HIBADH: variants seen among roughly 807,000 people sequenced by gnomAD.
HIBADH encodes the protein 3-hydroxyisobutyrate dehydrogenase, mitochondrial.
A neutral mutation model predicts 36.1 loss-of-function variants in HIBADH; 25 were observed. The ratio of observed to expected loss-of-function variants is 0.69; its 90% CI spans 0.50 to 0.97. The LOEUF is 0.97. Among genes scored for constraint, HIBADH ranks in the 50% least tolerant of loss-of-function variants. The pLI is 0.00. For missense variants in HIBADH, 421 were observed against 418.0 expected, an observed-to-expected ratio of 1.01 and a Z score of -0.06; for synonymous variants, 160 against 149.5, an observed-to-expected ratio of 1.07 and a Z score of -0.51.
intron 4 of HIBADH, among the ~76,000 whole-genome samples, chr7:27,586,690 G>A (rs567245134): frequency 8.2e-5 from 12 of 146,976 alleles, no homozygotes; most frequent in Admixed American, 6.9e-4. Flanking sequence ...AAGAAAAGAG[G>A]ACAGCACTCT....
intron 7 of HIBADH, among the ~76,000 whole-genome samples, chr7:27,527,618 G>C (rs930337034): frequency 2.6e-5 from 4 of 152,100 alleles, no homozygotes; most frequent in Non-Finnish European, 5.9e-5. Context: ...ATCCTGCATT[G>C]AGCAAGTCTA....
chr7:27,598,766 C>T (rs1414930274), intron 4 of HIBADH, among the ~76,000 whole-genome samples: 1 of 152,044 alleles, frequency 6.6e-6, no homozygotes, highest in Non-Finnish European at 1.5e-5. Context: ...CTGCACTTTG[C>T]AGACCTAGAC....
chr7:27,616,083 G>A (rs1283169917), intron 4 of HIBADH, among the ~76,000 whole-genome samples: 1 of 152,184 alleles, frequency 6.6e-6, no homozygotes, highest in Non-Finnish European at 1.5e-5. Context: ...CATTTTCTGA[G>A]GGCCTCAGGC....
At chr7:27,554,145 C>G (rs1483603040) in intron 4 of HIBADH, among the ~76,000 whole-genome samples, 1 of 152,216 alleles carries the variant, frequency 6.6e-6, no homozygotes, top group African/African-American at 2.4e-5. Context: ...ACTACCACAG[C>G]TGGCTAATTT....
chr7:27,638,324 A>AAAAAAAAAAAAC (rs1785889350), intron 2 of HIBADH, among the ~76,000 whole-genome samples: 1 of 148,548 alleles, frequency 6.7e-6, no homozygotes, highest in Non-Finnish European at 1.5e-5. Context: ...AAAAAAAAAA[A>AAAAAAAAAAAAC]AAAAAACAAG....
intron 4 of HIBADH, among the ~76,000 whole-genome samples, chr7:27,620,777 C>T (rs527335047): frequency 1.2e-4 from 18 of 152,068 alleles, no homozygotes; most frequent in African/African-American, 4.3e-4. Context: ...CAGAAATCCA[C>T]CATGCCATAA....
At chr7:27,661,804 A>G (rs1786426333) in intron 1 of HIBADH, among the ~76,000 whole-genome samples, 2 of 152,156 alleles carry the variant, frequency 1.3e-5, no homozygotes, top group Admixed American at 6.5e-5. Context: ...CAATTTTTCA[A>G]TTAAAGAGGA....
At chr7:27,544,179 G>A (rs1784199606) in intron 4 of HIBADH, among the ~76,000 whole-genome samples, 1 of 152,156 alleles carries the variant, frequency 6.6e-6, no homozygotes, top group East Asian at 1.9e-4. Flanking sequence ...GATTTAATGT[G>A]TTCAATGAAA....
intron 4 of HIBADH, among the ~76,000 whole-genome samples, chr7:27,545,792 T>C (rs1784228854): frequency 6.6e-6 from 1 of 152,336 alleles, no homozygotes; most frequent in East Asian, 1.9e-4. Context: ...TATTAAAATC[T>C]TGGATTTTCT....
chr7:27,657,701 G>A (rs1172841504), intron 1 of HIBADH, among the ~76,000 whole-genome samples: 1 of 152,100 alleles, frequency 6.6e-6, no homozygotes, highest in East Asian at 1.9e-4. Flanking sequence ...ATGACCTGAT[G>A]TCAAAAGAGA....
At chr7:27,558,370 C>G (rs1257853436) in intron 4 of HIBADH, among the ~76,000 whole-genome samples, 2 of 152,140 alleles carry the variant, frequency 1.3e-5, no homozygotes, top group African/African-American at 2.4e-5. Flanking sequence ...CTCGGTCACC[C>G]TGGCTGGAGT....
chr7:27,527,755 C>CTTGTT (rs1554293924), intron 7 of HIBADH, among the ~76,000 whole-genome samples: 1 of 132,100 alleles, frequency 7.6e-6, no homozygotes, highest in African/African-American at 3.0e-5. Context: ...CAATCAGTAA[C>CTTGTT]TTTTTTTTTT....
chr7:27,642,777 A>G (rs1003263961), intron 2 of HIBADH, among the ~76,000 whole-genome samples: 4 of 147,894 alleles, frequency 2.7e-5, no homozygotes, highest in South Asian at 2.1e-4. Flanking sequence ...TCAGCCTCCC[A>G]AGTAGCTGGG....
At chr7:27,558,442 C>T (rs1482779828) in intron 4 of HIBADH, among the ~76,000 whole-genome samples, 1 of 152,172 alleles carries the variant, frequency 6.6e-6, no homozygotes, top group Non-Finnish European at 1.5e-5. Flanking sequence ...ATCCTCCCAC[C>T]TCAGCCTCCC....
intron 4 of HIBADH, among the ~76,000 whole-genome samples, chr7:27,607,026 T>C (rs1318736941): frequency 1.3e-5 from 2 of 152,230 alleles, no homozygotes; most frequent in Non-Finnish European, 1.5e-5. Flanking sequence ...GTATCAAATG[T>C]AGACTTTTCC....
intron 4 of HIBADH, among the ~76,000 whole-genome samples, chr7:27,585,264 T>C (rs1784843288): frequency 2.1e-5 from 1 of 46,836 alleles, no homozygotes. Context: ...CACACGTGTG[T>C]ATGTATGTGT....
chr7:27,645,368 ATTTTTTTTTTTTTTTTTTTT>A (rs762685685), intron 2 of HIBADH, among the ~76,000 whole-genome samples: 2 of 59,652 alleles, frequency 3.4e-5, no homozygotes, highest in Non-Finnish European at 6.3e-5. Flanking sequence ...CATGGTTTTG[ATTTTTTTTTTTTTTTTTTTT>A]TTTTTTTGAG....
chr7:27,615,562 G>A (rs964131500), intron 4 of HIBADH, among the ~76,000 whole-genome samples: 1 of 152,006 alleles, frequency 6.6e-6, no homozygotes, highest in Non-Finnish European at 1.5e-5. Flanking sequence ...AGATCATCAC[G>A]GAACTGAAAA....
At chr7:27,644,415 T>G (rs1240635198) in intron 2 of HIBADH, among the ~76,000 whole-genome samples, 1 of 151,790 alleles carries the variant, frequency 6.6e-6, no homozygotes, top group East Asian at 1.9e-4. Context: ...GTCTAGCCAG[T>G]ATGGTGAAAC....
Sources: gnomAD v4.1 joint callset for allele counts (sites outside exome capture counted in the v4.1 genomes callset) on GRCh38, gnomAD v4.1.1 for gene constraint, MANE v1.5 for transcripts, NCBI Gene and HGNC (gene_info 2026-07-23, HGNC 2026-07-21) for gene names.